Variants in LRRFIP1 observed in about 807,000 individuals in gnomAD.
LRRFIP1 encodes the protein LRR binding FLII interacting protein 1.
A neutral mutation model predicts 104.4 loss-of-function variants in LRRFIP1; 62 were observed. The ratio of observed to expected loss-of-function variants is 0.59; its 90% CI spans 0.48 to 0.73. LRRFIP1 has a LOEUF of 0.73. Ranked by LOEUF, LRRFIP1 falls within the 30% of genes least tolerant of loss-of-function variation. LRRFIP1 has a pLI of 0.00. For synonymous variants in LRRFIP1, 300 were observed against 299.0 expected (o/e 1.00, Z -0.03); for missense variants, 796 against 824.5 (o/e 0.97, Z 0.42).
intron 13 of LRRFIP1, 81 bp downstream of exon 13, chr2:237,749,405 T>C (rs981116602): frequency 1.4e-6 from 2 of 1,462,908 alleles, no homozygotes; most frequent in African/African-American, 1.4e-5. Flanking sequence ...AAAAAGTTAA[T>C]TCATAAAGTT....
At chr2:237,749,107 TGTG>T (rs2058258552) in intron 12 of LRRFIP1, 89 bp from the exon 13 acceptor site, 7 of 1,368,758 alleles carry the variant, frequency 5.1e-6, no homozygotes, top group Non-Finnish European at 7.0e-6. Flanking sequence ...TCCCTCATCT[TGTG>T]GGGATTATGG....
chr2:237,683,029 A>G (rs10929245), intron 1 of LRRFIP1, among the ~76,000 whole-genome samples: 107,041 of 152,158 alleles, frequency 0.7, 38,556 homozygotes, highest in Middle Eastern at 0.84. Context: ...CGCTGCCAGC[A>G]TCTGGTGGGT....
intron 17 of LRRFIP1, 58 bp downstream of exon 17, chr2:237,757,606 G>A: frequency 7.5e-7 from 1 of 1,334,688 alleles, no homozygotes; most frequent in African/African-American, 1.5e-5. Context: ...AGCAAATAGA[G>A]TTTTTTCAGA....
At chr2:237,763,615 T>C (rs1448135716) in intron 19 of LRRFIP1, 12 of 1,613,796 alleles carry the variant, frequency 7.4e-6, no homozygotes, top group Non-Finnish European at 9.3e-6. Flanking sequence ...AACAGAAAAT[T>C]GCAGCAGAAA....
chr2:237,728,072 C>CT (rs1205122380), intron 8 of LRRFIP1, 137 bp downstream of exon 8: 2 of 620,534 alleles, frequency 3.2e-6, no homozygotes, highest in Non-Finnish European at 5.6e-6. Context: ...CTTTTTTTTC[C>CT]TAGCACATGA....
chr2:237,646,021 A>G (rs886833302), intron 1 of LRRFIP1, among the ~76,000 whole-genome samples: 3 of 151,910 alleles, frequency 2.0e-5, no homozygotes, highest in Non-Finnish European at 2.9e-5. Flanking sequence ...GGATAACAAC[A>G]GACAACAACA....
At chr2:237,749,848 C>G (rs1359572752) in intron 13 of LRRFIP1, among the ~76,000 whole-genome samples, 1 of 152,108 alleles carries the variant, frequency 6.6e-6, no homozygotes, top group Non-Finnish European at 1.5e-5. Flanking sequence ...ATTCTCTGCT[C>G]TATCCTCAGC....
rs2061425477 is a variant in LRRFIP1, at chr2:237,781,541, T to C, written c.*2009T>C. ...TCTCTACCTCTCCCACCAATTCTTT[T>C]GGAAACAGCAAACCAATGTTACACA... On this transcript the variant is annotated 3_prime_UTR_variant, in exon 24 of 24. Transcript: ENST00000308482. Among the ~76,000 whole-genome samples the C allele has an allele frequency of 6.6e-6, 1 of 152,218 alleles. No individual in the cohort carries two copies. The highest frequency in any genetic ancestry group is 2.1e-4 in the South Asian group (1 of 4,824).
chr2:237,746,805 C>T (rs1022168342), intron 11 of LRRFIP1, among the ~76,000 whole-genome samples: 1 of 152,232 alleles, frequency 6.6e-6, no homozygotes, highest in Non-Finnish European at 1.5e-5. Context: ...CGCCCGTGAA[C>T]ACATGGTCTT....
intron 1 of LRRFIP1, among the ~76,000 whole-genome samples, chr2:237,671,245 C>T (rs2090294711): frequency 6.6e-6 from 1 of 152,174 alleles, no homozygotes; most frequent in African/African-American, 2.4e-5. Flanking sequence ...TACAAGTGTC[C>T]ATAGTGGTTA....
At chr2:237,734,923 G>C (rs1327184336) in intron 9 of LRRFIP1, among the ~76,000 whole-genome samples, 1 of 152,166 alleles carries the variant, frequency 6.6e-6, no homozygotes, top group African/African-American at 2.4e-5. Context: ...GTATGAGAAT[G>C]CCATGACAAA....
rs746046340 is a variant in LRRFIP1 at position 237,735,261 on chromosome 2, G to T, written c.490-7G>T. 6.2e-7 allele frequency: 1 copy of T among 1,612,910 alleles called. No homozygotes were observed. The highest frequency in any genetic ancestry group is 1.1e-5 in the South Asian group (1 of 91,010). On this transcript the variant is annotated splice_region_variant and splice_polypyrimidine_tract_variant and intron_variant, in intron 9 of 23. Transcript: ENST00000308482. The surrounding 1 kb of genome is among the most constrained non-coding windows in gnomAD (Gnocchi z 4.6). ...GCGCCCATCCTGACAGTCTCTTTTG[G>T]TCGCAGGCGTCTGTGTTGGATGAAG...
chr2:237,745,371 T>C (rs139704173), intron 11 of LRRFIP1, among the ~76,000 whole-genome samples: 20 of 152,364 alleles, frequency 1.3e-4, no homozygotes, highest in Middle Eastern at 3.4e-3. Context: ...AACAAGAGCT[T>C]AATTTTTAGT....
intron 18 of LRRFIP1, 31 bp from the exon 19 acceptor site, chr2:237,760,033 A>T: frequency 6.2e-7 from 1 of 1,601,878 alleles, no homozygotes; most frequent in South Asian, 1.1e-5. Context: ...TCACTGAGTA[A>T]ATATTACGAT....
In LRRFIP1 at chr2:237,769,964, T is replaced by C. The variant is rs772568573; in HGVS notation, c.1481T>C (p.Val494Ala). The change falls in exon 20 of 24, where the codon GTT (valine) becomes GCT (alanine). Residue 494 changes from valine (V) to alanine (A), a missense_variant. Transcript: ENST00000308482. Reference protein sequence around the residue: ...GTLDIRLKKLVDERECLLEQI... With the variant: ...GTLDIRLKKLADERECLLEQI... ...TTAGATATTAGGTTGAAAAAGCTGG[T>C]TGATGAACGGGAATGCTTATTGGAA... 3.7e-6 allele frequency: 6 copies of C among 1,605,298 alleles called. No individual in the cohort carries two copies. In the African/African-American group the frequency reaches 5.3e-5, roughly 14 times the overall value.
Position 237,691,683 on chromosome 2 carries a change from C to A in LRRFIP1, c.97-16861C>A, listed in dbSNP as rs977022220. Among the ~76,000 whole-genome samples the A allele has an allele frequency of 3.9e-5, 6 of 151,930 alleles. No homozygotes were observed. The highest frequency in any genetic ancestry group is 2.1e-4 in the South Asian group (1 of 4,822). On this transcript the variant is annotated intron_variant, in intron 1 of 23. Coordinates refer to ENST00000308482, the MANE Select transcript of LRRFIP1 (RefSeq NM_001137550.2). This position sits in a 1 kb window ranked among gnomAD's most constrained non-coding sequence, Gnocchi z 5.4. ...ACTCATACCCTCGCCCAGCCCCGGG[C>A]AGGTCCCCCCCCGGAGGGGACCCCC... is the stretch of plus-strand genomic sequence containing the variant.
At chr2:237,680,723 T>C (rs1299978204) in intron 1 of LRRFIP1, among the ~76,000 whole-genome samples, 1 of 152,252 alleles carries the variant, frequency 6.6e-6, no homozygotes, top group African/African-American at 2.4e-5. Flanking sequence ...GACACATGCC[T>C]GTAATCCCAG....
chr2:237,725,763 T>A (rs1176245410), intron 7 of LRRFIP1, among the ~76,000 whole-genome samples: 1 of 152,178 alleles, frequency 6.6e-6, no homozygotes, highest in Non-Finnish European at 1.5e-5. Flanking sequence ...AGTGGAAAGG[T>A]GACAAATGAG....
At chr2:237,762,007 G>A (rs956767945) in intron 19 of LRRFIP1, among the ~76,000 whole-genome samples, 8 of 152,228 alleles carry the variant, frequency 5.3e-5, no homozygotes, top group Admixed American at 3.3e-4. Context: ...CATGGACACA[G>A]GGTGTTTTCT....
Sources: gnomAD v4.1 joint callset for allele counts (sites outside exome capture counted in the v4.1 genomes callset) on GRCh38, gnomAD v4.1.1 for gene constraint, Gnocchi (gnomAD v3.1) non-coding constraint, MANE v1.5 for transcripts, NCBI Gene and HGNC (gene_info 2026-07-23, HGNC 2026-07-21) for gene names.